Variants in CHODL observed in about 807,000 individuals in gnomAD.
CHODL encodes transmembrane protein MT75.
CHODL carries 29 observed loss-of-function variants against 34.5 expected under a neutral mutation model. The observed-to-expected ratio is 0.84, with a 90% confidence interval of 0.63 to 1.15. The LOEUF (loss-of-function observed/expected upper bound fraction) is 1.15. Among genes scored for constraint, CHODL ranks in the 50% most tolerant of loss-of-function variants. CHODL has a pLI of 0.00. For missense variants in CHODL, 332 were observed against 332.5 expected (o/e 1.00, Z 0.01); for synonymous variants, 125 against 116.1 (o/e 1.08, Z -0.49).
In CHODL at chr21:18,131,307, T is replaced by A. The variant is rs144595926; in HGVS notation, c.-45+103336T>A. Among the ~76,000 whole-genome samples the A allele has an allele frequency of 2.0e-5, 3 of 152,110 alleles. No homozygotes were observed. The East Asian group carries it at 5.8e-4, about 29-fold the overall frequency. ...GGGGGTTAGGGTCTCAACATATAAATCTGGGGGGGACACAAATATTCAGTC... is the reference window on the plus strand; with the variant it reads ...GGGGGTTAGGGTCTCAACATATAAAACTGGGGGGGACACAAATATTCAGTC... On this transcript the variant is annotated intron_variant, in intron 2 of 6. Transcript: ENST00000400127.
At chr21:18,169,738 AT>A (rs1191309033) in intron 2 of CHODL, among the ~76,000 whole-genome samples, 1 of 151,882 alleles carries the variant, frequency 6.6e-6, no homozygotes, top group African/African-American at 2.4e-5. Context: ...AAATATGATC[AT>A]TTTTTAGATA....
chr21:18,089,166 A>G (rs1428088011), intron 2 of CHODL, among the ~76,000 whole-genome samples: 2 of 152,176 alleles, frequency 1.3e-5, no homozygotes, highest in African/African-American at 4.8e-5. Flanking sequence ...ACTCTGTATT[A>G]TGTGCTTTAG....
intron 2 of CHODL, among the ~76,000 whole-genome samples, chr21:18,104,542 A>G (rs561715917): frequency 6.6e-6 from 1 of 152,292 alleles, no homozygotes; most frequent in Non-Finnish European, 1.5e-5. Context: ...AACTAATAAA[A>G]TATACCATAG....
chr21:18,210,171 G>T (rs2073757583), intron 2 of CHODL, among the ~76,000 whole-genome samples: 1 of 152,114 alleles, frequency 6.6e-6, no homozygotes, highest in African/African-American at 2.4e-5. Flanking sequence ...CTGATTGCTG[G>T]AATGGGTCAT....
At chr21:18,197,668 G>C (rs185070158) in intron 2 of CHODL, among the ~76,000 whole-genome samples, 122 of 152,284 alleles carry the variant, frequency 8.0e-4, no homozygotes, top group Admixed American at 4.2e-3. Context: ...ACTGTGAAGA[G>C]ATGAAACAGA....
intron 2 of CHODL, among the ~76,000 whole-genome samples, chr21:18,040,461 G>T (rs1042281360): frequency 5.9e-5 from 9 of 151,824 alleles, no homozygotes; most frequent in African/African-American, 1.9e-4. Context: ...TTACAAAATT[G>T]GCATTTTAGC....
chr21:18,002,596 C>T (rs1397289734), intron 1 of CHODL, among the ~76,000 whole-genome samples: 1 of 152,166 alleles, frequency 6.6e-6, no homozygotes, highest in African/African-American at 2.4e-5. Flanking sequence ...AGCTAGTTCT[C>T]TATGAGCATA....
At chr21:18,246,160 G>A (rs561784143) in intron 1 of CHODL, among the ~76,000 whole-genome samples, 2 of 152,184 alleles carry the variant, frequency 1.3e-5, no homozygotes, top group Non-Finnish European at 2.9e-5. Flanking sequence ...CGACAACCTA[G>A]GGTGAATGTG....
chr21:18,207,659 C>CGTTTTT (rs2073727015), intron 2 of CHODL, among the ~76,000 whole-genome samples: 1 of 55,952 alleles, frequency 1.8e-5, no homozygotes, highest in Non-Finnish European at 3.0e-5. Flanking sequence ...AATCTCTCAG[C>CGTTTTT]TTTTTTTTTT....
intron 1 of CHODL, among the ~76,000 whole-genome samples, chr21:17,960,961 T>A (rs2063527677): frequency 6.6e-6 from 1 of 152,244 alleles, no homozygotes; most frequent in South Asian, 2.1e-4. Flanking sequence ...CATCTTTTTT[T>A]ATGTTTTAGT....
At chr21:17,959,060 G>A (rs197545) in intron 1 of CHODL, among the ~76,000 whole-genome samples, 61,963 of 151,656 alleles carry the variant, frequency 0.41, 12,976 homozygotes, top group East Asian at 0.62. Flanking sequence ...AATTACCCCC[G>A]CTAAAAGGAA....
chr21:18,106,477 TTTTTCTTTTTTC>T (rs142290321), intron 2 of CHODL, among the ~76,000 whole-genome samples: 1 of 137,048 alleles, frequency 7.3e-6, no homozygotes, highest in African/African-American at 3.4e-5. Flanking sequence ...AGATCTTTCT[TTTTTCTTTTTTC>T]TTTTTCTTTT....
chr21:18,053,582 G>A (rs2064542466), intron 2 of CHODL, among the ~76,000 whole-genome samples: 1 of 151,886 alleles, frequency 6.6e-6, no homozygotes, highest in Admixed American at 6.6e-5. Flanking sequence ...CTTTCAAGTA[G>A]TCTTACAAAG....
chr21:18,069,430 C>A (rs2064769655), intron 2 of CHODL, among the ~76,000 whole-genome samples: 2 of 151,910 alleles, frequency 1.3e-5, no homozygotes, highest in South Asian at 4.1e-4. Context: ...AATTTTCCAA[C>A]AATGTCATTG....
intron 2 of CHODL, among the ~76,000 whole-genome samples, chr21:18,226,703 T>C (rs2073934405): frequency 6.6e-6 from 1 of 152,144 alleles, no homozygotes; most frequent in African/African-American, 2.4e-5. Context: ...AAATTGATCT[T>C]TTATAATCAC....
At chr21:17,962,034 G>A (rs1488173459) in intron 1 of CHODL, among the ~76,000 whole-genome samples, 1 of 152,140 alleles carries the variant, frequency 6.6e-6, no homozygotes, top group Non-Finnish European at 1.5e-5. Context: ...TCCTTGTCCT[G>A]GGTAGATCAG....
intron 2 of CHODL, among the ~76,000 whole-genome samples, chr21:18,091,921 G>A (rs1343566246): frequency 6.6e-6 from 1 of 152,164 alleles, no homozygotes; most frequent in African/African-American, 2.4e-5. Flanking sequence ...TTGAGTGCCA[G>A]CTTAGCTACA....
chr21:18,257,829 C>G (rs2074335648), intron 3 of CHODL, among the ~76,000 whole-genome samples: 1 of 152,186 alleles, frequency 6.6e-6, no homozygotes, highest in Non-Finnish European at 1.5e-5. Context: ...ATTACTTTAA[C>G]TAGGACGGAT....
In CHODL at chr21:17,965,719, C is replaced by T. The variant is rs189189810; in HGVS notation, c.-145+48319C>T. Among the ~76,000 whole-genome samples, 395 of 152,002 alleles carry T rather than the reference C, an allele frequency of 2.6e-3. 4 individuals are homozygous for T. The highest frequency in any genetic ancestry group is 9.1e-3 in the African/African-American group (378 of 41,460). ...TCATTCACCATGGTATCTCACAGCA[C>T]ATATAATAATGGCCTTTTTACTAAC... On this transcript the variant is annotated intron_variant, in intron 1 of 6. Transcript: ENST00000400127.
Sources: allele counts gnomAD v4.1 joint callset (sites outside exome capture counted in the v4.1 genomes callset), GRCh38; gene constraint gnomAD v4.1.1; transcripts MANE v1.5; gene names NCBI Gene and HGNC (gene_info 2026-07-23, HGNC 2026-07-21).